Variants in KMT2E observed in about 807,000 individuals in gnomAD.
KMT2E encodes the protein histone reader KMT2E.
A neutral mutation model predicts 184.6 loss-of-function variants in KMT2E; 30 were observed. That is an observed-to-expected ratio of 0.16 (90% confidence interval 0.12 to 0.22). KMT2E has a LOEUF of 0.22. KMT2E is among the 10% of genes least tolerant of loss of function. The probability of loss-of-function intolerance (pLI) is 1.00; values close to 1 mark genes in which losing one functional copy is unlikely to be tolerated. For synonymous variants in KMT2E, 815 were observed against 776.5 expected (o/e 1.05, Z -0.82); for missense variants, 2,023 against 2,237.4 (o/e 0.90, Z 1.93).
chr7:105,077,158 A>C lies in KMT2E; in HGVS notation c.964A>C (p.Asn322His). 6.2e-7 allele frequency: 1 copy of C among 1,614,020 alleles called. No homozygotes were observed. Among genetic ancestry groups the C allele is most frequent in the African/African-American group, 1.3e-5 (1 of 75,046 alleles). The change falls in exon 10 of 27, where the codon AAT becomes CAT. Residue 322 changes from asparagine (N) to histidine (H), a missense_variant. Asn to His is a moderately conservative substitution (Grantham distance 68). Transcript: ENST00000311117. ...AAAAGAGATGAATAAATCCGATTTG[A>C]ATACCAACAATTTGCTCTTCAAACC... ...DKKEMNKSDL[N>H]TNNLLFKPPV...
intron 1 of KMT2E, among the ~76,000 whole-genome samples, chr7:105,018,970 C>T (rs892861496): frequency 6.6e-6 from 1 of 151,858 alleles, no homozygotes; most frequent in African/African-American, 2.4e-5. Flanking sequence ...CAGTATTTTA[C>T]TTTGTATAAT....
At chr7:105,073,958 G>T (rs193242752) in intron 7 of KMT2E, among the ~76,000 whole-genome samples, 3 of 151,998 alleles carry the variant, frequency 2.0e-5, no homozygotes, top group Non-Finnish European at 4.4e-5. Context: ...TAACCTGTTG[G>T]TTTAAAAAAG....
At chr7:105,087,841 T>TC (rs1798047440) in intron 13 of KMT2E, among the ~76,000 whole-genome samples, 2 of 150,258 alleles carry the variant, frequency 1.3e-5, no homozygotes, top group East Asian at 1.9e-4. Context: ...TTTTTTTTTT[T>TC]CCCAGAAGTT....
In KMT2E at chr7:105,063,337, G is replaced by A. The variant is rs778041570; in HGVS notation, c.187-14G>A. On this transcript the variant is annotated splice_polypyrimidine_tract_variant and intron_variant, in intron 4 of 26. Transcript: ENST00000311117. ...TTAAATAATATTGTGCTATATTTGT[G>A]TTTAATTATTCAGGACCATAATTAT... 9 of 1,530,094 alleles carry A rather than the reference G, an allele frequency of 5.9e-6. No individual in the cohort carries two copies. Among genetic ancestry groups the A allele is most frequent in the Non-Finnish European group, 8.0e-6 (9 of 1,120,270 alleles). 94.8% of individuals were successfully genotyped at this position (1,530,094 alleles called of 1,614,324 possible).
intron 20 of KMT2E, 117 bp from the exon 21 acceptor site, chr7:105,107,048 GA>G: frequency 1.5e-6 from 1 of 668,254 alleles, no homozygotes; most frequent in Non-Finnish European, 2.5e-6. Context: ...AAATAAACAG[GA>G]AACAAGATCT....
intron 1 of KMT2E, among the ~76,000 whole-genome samples, chr7:105,017,375 A>G (rs1474733879): frequency 2.1e-5 from 3 of 141,302 alleles, no homozygotes; most frequent in Non-Finnish European, 4.6e-5. Flanking sequence ...GGCTTGCTTT[A>G]TTGCTTTAGG....
rs911321564 is a variant in KMT2E at position 105,113,807 on chromosome 7, T to C, written c.*474T>C. 2 of 155,974 alleles carry C rather than the reference T, an allele frequency of 1.3e-5. No individual in the cohort carries two copies. The highest frequency in any genetic ancestry group is 4.8e-5 in the African/African-American group (2 of 41,540). The allele number at this position is 155,974 out of a possible 1,614,324, so 9.7% of individuals were successfully genotyped here. ...ATGGCTCATTTTGTTTTACCAGTTA[T>C]TTGCAAGCAAAATGTAATTTAATGT... On this transcript the variant is annotated 3_prime_UTR_variant, in exon 27 of 27. Coordinates refer to ENST00000311117, the MANE Select transcript of KMT2E (RefSeq NM_182931.3).
In KMT2E at chr7:105,112,455, C is replaced by G; in HGVS notation, c.4699C>G (p.Gln1567Glu). The G allele has an allele frequency of 6.2e-7, 1 of 1,613,908 alleles. No homozygotes were observed. The highest frequency in any genetic ancestry group is 8.5e-7 in the Non-Finnish European group (1 of 1,179,986). The part of the protein sequence containing the change: ...YQNQQPSANF[Q>E]NYNQLKGSLS... ...AAACCAGCAGCCCTCTGCAAACTTT[C>G]AGAATTATAATCAGCTCAAAGGTAG... Residue 1567 changes from glutamine to glutamate, a missense_variant, in exon 27 of 27, where the codon CAG becomes GAG. Around this residue, in one of 8 missense-constraint regions of KMT2E, gnomAD observed 1,108 missense variants for 1,050.9 expected, o/e 1.05. Coordinates refer to ENST00000311117, the MANE Select transcript of KMT2E (RefSeq NM_182931.3).
At chr7:105,081,187 C>T (rs1797751310) in intron 12 of KMT2E, among the ~76,000 whole-genome samples, 2 of 152,050 alleles carry the variant, frequency 1.3e-5, no homozygotes, top group African/African-American at 4.8e-5. Flanking sequence ...TGAGACCATC[C>T]TGGCTAACAC....
intron 1 of KMT2E, among the ~76,000 whole-genome samples, chr7:105,031,860 A>C (rs1795433291): frequency 6.6e-6 from 1 of 151,866 alleles, no homozygotes; most frequent in African/African-American, 2.4e-5. Flanking sequence ...ACTGGAGGTC[A>C]GGAGCTTGAG....
At chr7:105,021,909 A>T (rs1794971963) in intron 1 of KMT2E, among the ~76,000 whole-genome samples, 1 of 152,124 alleles carries the variant, frequency 6.6e-6, no homozygotes, top group African/African-American at 2.4e-5. Flanking sequence ...ATAATGTAAA[A>T]TTTACTGAAA....
chr7:105,113,591 CTGTA>C lies in KMT2E; in HGVS notation c.*261_*264del, dbSNP rs1799433313. 3.0e-6 allele frequency: 1 copy of C among 328,462 alleles called. No homozygotes were observed. The highest frequency in any genetic ancestry group is 5.5e-6 in the Non-Finnish European group (1 of 182,640). The allele number at this position is 328,462 out of a possible 1,614,324, so 20.3% of individuals were successfully genotyped here. On this transcript the variant is annotated 3_prime_UTR_variant, in exon 27 of 27. Coordinates refer to ENST00000311117, the MANE Select transcript of KMT2E (RefSeq NM_182931.3). Reference sequence around the variant, plus strand: ...TGGCAGATCTGATGCTGATTTGATGCTGTATGATCTTTTTTTTTTTTTTAGTTAA... The same window carrying C: ...TGGCAGATCTGATGCTGATTTGATGCTGATCTTTTTTTTTTTTTTAGTTAA...
intron 3 of KMT2E, among the ~76,000 whole-genome samples, chr7:105,053,883 A>G (rs1228451021): frequency 6.6e-6 from 1 of 152,132 alleles, no homozygotes; most frequent in Non-Finnish European, 1.5e-5. Context: ...TCTTCAAAAA[A>G]AAGAAACAGG....
At chr7:105,063,828 G>C (rs2129567249) in intron 5 of KMT2E, 1 of 484,206 alleles carries the variant, frequency 2.1e-6, no homozygotes, top group South Asian at 2.3e-5. Flanking sequence ...ACATTTTTCT[G>C]TTCACTTAGT....
intron 3 of KMT2E, among the ~76,000 whole-genome samples, chr7:105,057,829 C>T (rs1260735439): frequency 6.6e-6 from 1 of 152,142 alleles, no homozygotes; most frequent in African/African-American, 2.4e-5. Context: ...CTATCACTAA[C>T]AGTTGAGGAC....
intron 3 of KMT2E, among the ~76,000 whole-genome samples, chr7:105,057,491 C>A (rs930627811): frequency 3.9e-5 from 6 of 152,072 alleles, no homozygotes; most frequent in African/African-American, 1.4e-4. Flanking sequence ...TCAACCCAGG[C>A]TGGAGTACAG....
chr7:105,101,686 A>C lies in KMT2E; in HGVS notation c.1887+97A>C. 4 of 1,122,128 alleles carry C rather than the reference A, an allele frequency of 3.6e-6. No homozygotes were observed. In the South Asian group the frequency reaches 6.1e-5, roughly 17 times the overall value. The allele number at this position is 1,122,128 out of a possible 1,614,324, so 69.5% of individuals were successfully genotyped here. ...TTATAAGGAATTTAAAATAATGTCT[A>C]TTAGCTTTTTAATAGCATTTTTCAG... On this transcript the variant is annotated intron_variant, in intron 16 of 26. Transcript: ENST00000311117.
intron 14 of KMT2E, among the ~76,000 whole-genome samples, chr7:105,090,736 A>G (rs1584783907): frequency 6.6e-6 from 1 of 152,184 alleles, no homozygotes; most frequent in African/African-American, 2.4e-5. Flanking sequence ...GCCAAAGTCT[A>G]CCTGCCCCAC....
At chr7:105,043,589 G>C (rs976003083) in intron 3 of KMT2E, among the ~76,000 whole-genome samples, 1 of 152,132 alleles carries the variant, frequency 6.6e-6, no homozygotes, top group Non-Finnish European at 1.5e-5. Flanking sequence ...GTGATAATTT[G>C]TGATGGTTTT....
Sources: allele counts gnomAD v4.1 joint callset (sites outside exome capture counted in the v4.1 genomes callset), GRCh38; gene constraint gnomAD v4.1.1; regional missense constraint gnomAD v4.1.1; transcripts MANE v1.5; gene names NCBI Gene and HGNC (gene_info 2026-07-23, HGNC 2026-07-21).